CDKAL1: variants seen among roughly 807,000 people sequenced by gnomAD.
The protein encoded by CDKAL1 is threonylcarbamoyladenosine tRNA methylthiotransferase.
Under a neutral mutation model 68.2 loss-of-function variants are expected in CDKAL1, and 32 were observed. That is an observed-to-expected ratio of 0.47 (90% confidence interval 0.35 to 0.63). The LOEUF (loss-of-function observed/expected upper bound fraction) is 0.63, where lower values mean the gene tolerates loss of function less well. Among genes scored for constraint, CDKAL1 ranks in the 30% least tolerant of loss-of-function variants. The probability of loss-of-function intolerance (pLI) is 0.00; values close to 1 mark genes in which losing one functional copy is unlikely to be tolerated. For missense variants in CDKAL1, 606 were observed against 696.7 expected, an observed-to-expected ratio of 0.87 and a Z score of 1.47; for synonymous variants, 234 against 244.3, an observed-to-expected ratio of 0.96 and a Z score of 0.39.
intron 9 of CDKAL1, among the ~76,000 whole-genome samples, chr6:20,935,564 G>A (rs940267989): frequency 3.3e-5 from 5 of 151,904 alleles, no homozygotes; most frequent in African/African-American, 1.2e-4. Context: ...TGAGTAGCTG[G>A]GCTTATAGGC....
intron 5 of CDKAL1, among the ~76,000 whole-genome samples, chr6:20,689,654 C>G (rs1035350416): frequency 6.6e-6 from 1 of 151,984 alleles, no homozygotes; most frequent in African/African-American, 2.4e-5. Context: ...TAATTTCCAC[C>G]TAGAGGTAAA....
intron 4 of CDKAL1, among the ~76,000 whole-genome samples, chr6:20,620,541 A>G (rs370674245): frequency 6.6e-6 from 1 of 152,306 alleles, no homozygotes; most frequent in African/African-American, 2.4e-5. Flanking sequence ...CACAGCTAAT[A>G]TATGATGGAG....
chr6:20,585,427 A>G (rs558556255), intron 4 of CDKAL1, among the ~76,000 whole-genome samples: 1 of 151,282 alleles, frequency 6.6e-6, no homozygotes, highest in Non-Finnish European at 1.5e-5. Context: ...CAACTATTCC[A>G]TTTTTTTCTT....
chr6:20,688,977 C>T (rs1285534238), intron 5 of CDKAL1, among the ~76,000 whole-genome samples: 1 of 152,222 alleles, frequency 6.6e-6, no homozygotes, highest in Non-Finnish European at 1.5e-5. Context: ...ACAAGTTCTT[C>T]TTAGTCCTCT....
chr6:20,939,856 A>T (rs945580919), intron 9 of CDKAL1, among the ~76,000 whole-genome samples: 2 of 152,040 alleles, frequency 1.3e-5, no homozygotes, highest in Non-Finnish European at 2.9e-5. Context: ...TTTCTATTCC[A>T]CCCATGTATG....
intron 11 of CDKAL1, among the ~76,000 whole-genome samples, chr6:21,038,672 GTT>G (rs917045782): frequency 6.6e-6 from 1 of 151,812 alleles, no homozygotes; most frequent in East Asian, 1.9e-4. Flanking sequence ...AATATTATGA[GTT>G]TTTTTGTGAT....
At chr6:21,043,517 C>G (rs1770050662) in intron 11 of CDKAL1, among the ~76,000 whole-genome samples, 1 of 152,160 alleles carries the variant, frequency 6.6e-6, no homozygotes, top group African/African-American at 2.4e-5. Flanking sequence ...CAAGACTACT[C>G]TTCTCTCCTT....
chr6:20,778,495 G>A (rs1322310772), intron 7 of CDKAL1, among the ~76,000 whole-genome samples: 1 of 152,176 alleles, frequency 6.6e-6, no homozygotes, highest in Non-Finnish European at 1.5e-5. Context: ...TATTAGTTGG[G>A]ACCAATGGGT....
At chr6:21,055,231 A>AT (rs572095949) in intron 11 of CDKAL1, among the ~76,000 whole-genome samples, 3 of 151,674 alleles carry the variant, frequency 2.0e-5, no homozygotes, top group African/African-American at 4.8e-5. Flanking sequence ...ATATATAATC[A>AT]TTTTTTTTAA....
At chr6:21,219,479 C>T (rs1445570481) in intron 15 of CDKAL1, among the ~76,000 whole-genome samples, 1 of 152,124 alleles carries the variant, frequency 6.6e-6, no homozygotes, top group Non-Finnish European at 1.5e-5. Context: ...ATATGGAGGA[C>T]CAATTGTATA....
At chr6:20,611,528 AAATT>A (rs1766616218) in intron 4 of CDKAL1, among the ~76,000 whole-genome samples, 1 of 152,200 alleles carries the variant, frequency 6.6e-6, no homozygotes. Flanking sequence ...TTTCAGTTTA[AAATT>A]AATAATGTGT....
intron 7 of CDKAL1, among the ~76,000 whole-genome samples, chr6:20,773,896 TTCTGCCC>T (rs1775058276): frequency 1.3e-5 from 2 of 152,272 alleles, no homozygotes; most frequent in Middle Eastern, 3.4e-3. Flanking sequence ...TCTGCCACCC[TTCTGCCC>T]TCTGCCCTCT....
intron 13 of CDKAL1, among the ~76,000 whole-genome samples, chr6:21,152,854 A>G (rs1776476623): frequency 6.6e-6 from 1 of 152,234 alleles, no homozygotes; most frequent in Non-Finnish European, 1.5e-5. Flanking sequence ...CGCAGATCCA[A>G]GGAAGGAGTA....
chr6:20,586,336 G>C (rs184403778), intron 4 of CDKAL1, among the ~76,000 whole-genome samples: 1 of 152,088 alleles, frequency 6.6e-6, no homozygotes, highest in Non-Finnish European at 1.5e-5. Context: ...ACAACTTTCT[G>C]CAAAAATGGA....
chr6:21,013,208 A>G (rs571604088), intron 11 of CDKAL1, among the ~76,000 whole-genome samples: 8 of 152,300 alleles, frequency 5.3e-5, no homozygotes, highest in African/African-American at 1.9e-4. Flanking sequence ...CAGACCTGCA[A>G]ACATCAAAAT....
rs577874996 is a variant in CDKAL1, at chr6:20,879,797, G to C, written c.742+33619G>C. Among the ~76,000 whole-genome samples the C allele has an allele frequency of 3.3e-5, 5 of 152,198 alleles. No individual in the cohort carries two copies. In the South Asian group the frequency reaches 1.0e-3, roughly 32 times the overall value. On this transcript the variant is annotated intron_variant, in intron 9 of 15. Transcript: ENST00000274695. Reference sequence around the variant, plus strand: ...CCCTGCTGTTTGCTGCCCACACCTCGGAGTGATGCTGAGTGAGGGAATCCA... The same window carrying C: ...CCCTGCTGTTTGCTGCCCACACCTCCGAGTGATGCTGAGTGAGGGAATCCA...
intron 9 of CDKAL1, among the ~76,000 whole-genome samples, chr6:20,924,922 A>T (rs1236904601): frequency 6.6e-6 from 1 of 152,266 alleles, no homozygotes; most frequent in Non-Finnish European, 1.5e-5. Context: ...AAGGATTTTG[A>T]GTATTACATA....
chr6:21,054,831 A>G (rs981647611), intron 11 of CDKAL1, among the ~76,000 whole-genome samples: 5 of 152,070 alleles, frequency 3.3e-5, no homozygotes, highest in African/African-American at 1.2e-4. Flanking sequence ...CAGTTTTGCT[A>G]AACTCACTTA....
At chr6:20,966,012 G>C (rs1765292752) in intron 10 of CDKAL1, among the ~76,000 whole-genome samples, 1 of 152,172 alleles carries the variant, frequency 6.6e-6, no homozygotes, top group African/African-American at 2.4e-5. Flanking sequence ...TTAGGCACTT[G>C]CTAATTCAGC....
Sources: allele counts gnomAD v4.1 joint callset (sites outside exome capture counted in the v4.1 genomes callset), GRCh38; gene constraint gnomAD v4.1.1; transcripts MANE v1.5; gene names NCBI Gene and HGNC (gene_info 2026-07-23, HGNC 2026-07-21).